Variants in ITIH5 observed in about 807,000 individuals in gnomAD.
ITIH5 encodes the protein inter-alpha-trypsin inhibitor heavy chain 5, also known as inter-alpha-trypsin inhibitor heavy chain H5.
A neutral mutation model predicts 77.5 loss-of-function variants in ITIH5; 65 were observed. The observed-to-expected ratio is 0.84, with a 90% confidence interval of 0.69 to 1.03. The LOEUF is 1.03. Among genes scored for constraint, ITIH5 ranks in the 50% least tolerant of loss-of-function variants. The pLI is 0.00. For synonymous variants in ITIH5, 525 were observed against 494.3 expected (o/e 1.06, Z -0.82); for missense variants, 1,208 against 1,213.1 (o/e 1.00, Z 0.06).
chr10:7,629,281 G>A (rs551772328), intron 5 of ITIH5, among the ~76,000 whole-genome samples: 1 of 122,840 alleles, frequency 8.1e-6, no homozygotes, highest in East Asian at 2.7e-4. Context: ...GTTGTAGCGT[G>A]TGTCCCTGTT....
Position 7,559,862 on chromosome 10 carries a change from G to GTTT in ITIH5, c.*3218_*3220dup. On this transcript the variant is annotated 3_prime_UTR_variant, in exon 14 of 14. Coordinates refer to ENST00000397146, the MANE Select transcript of ITIH5 (RefSeq NM_030569.7). ...CCATGTCTTTTTTTTGTTTTGTTTT[G>GTTT]TTTTTTTTTGACGGAGTTTGGCTCT... 2.5e-6 allele frequency: 1 copy of GTTT among 406,472 alleles called. No homozygotes were observed. Among genetic ancestry groups the GTTT allele is most frequent in the African/African-American group, 2.8e-5 (1 of 35,126 alleles). 25.2% of individuals were successfully genotyped at this position (406,472 alleles called of 1,614,324 possible). A position where few individuals can be genotyped will look rare whatever the true frequency, so the allele number is the denominator to read the frequency against.
rs756527934 is a variant in ITIH5 at position 7,580,008 on chromosome 10, C to G, written c.1165G>C (p.Ala389Pro). The change falls in exon 9 of 14, where the codon GCC becomes CCC. Residue 389 changes from alanine (A) to proline (P), a missense_variant. Transcript: ENST00000397146. ...RAIRLLNKYVAHSGIGDRSVS... is the reference protein window; with the variant it reads ...RAIRLLNKYVPHSGIGDRSVS... The stretch of plus-strand genomic sequence containing the variant: ...CTCCGGTCTCCAATGCCACTGTGGG[C>G]CACGTACTTGTTGAGGAGCCTGATG... The G allele has an allele frequency of 4.3e-6, 7 of 1,613,728 alleles. No homozygotes were observed. Among genetic ancestry groups the G allele is most frequent in the Non-Finnish European group, 5.9e-6 (7 of 1,179,936 alleles).
At chr10:7,572,865 C>A in intron 11 of ITIH5, 1 of 242,454 alleles carries the variant, frequency 4.1e-6, no homozygotes, top group Non-Finnish European at 7.9e-6. Context: ...GTAACCTCAA[C>A]TTCCCAGGTT....
chr10:7,650,960 C>A (rs1216810384), intron 2 of ITIH5, among the ~76,000 whole-genome samples: 1 of 151,846 alleles, frequency 6.6e-6, no homozygotes, highest in Non-Finnish European at 1.5e-5. Context: ...TATTTTTATA[C>A]AAGAAAACCC....
intron 10 of ITIH5, 65 bp downstream of exon 10, chr10:7,576,388 T>C: frequency 7.5e-7 from 1 of 1,339,184 alleles, no homozygotes; most frequent in Non-Finnish European, 9.9e-7. Flanking sequence ...GGGCTTCCTG[T>C]GGAGGAGGTG....
At chr10:7,649,538 G>GTAGA (rs61399589) in intron 2 of ITIH5, among the ~76,000 whole-genome samples, 136 of 152,104 alleles carry the variant, frequency 8.9e-4, no homozygotes, top group African/African-American at 2.3e-3. Context: ...AGATAGGTAG[G>GTAGA]TAGATAGATA....
intron 7 of ITIH5, among the ~76,000 whole-genome samples, chr10:7,604,087 T>A (rs560900104): frequency 2.0e-5 from 3 of 152,202 alleles, no homozygotes; most frequent in African/African-American, 4.8e-5. Context: ...AAGCCCTTGA[T>A]GGGTAGATTA....
intron 5 of ITIH5, among the ~76,000 whole-genome samples, chr10:7,626,330 T>C (rs973207774): frequency 6.6e-6 from 1 of 152,206 alleles, no homozygotes; most frequent in Admixed American, 6.5e-5. Context: ...GCCACGCTCT[T>C]GGGTTGACCG....
chr10:7,616,962 G>C, intron 6 of ITIH5, 151 bp downstream of exon 6: 1 of 489,448 alleles, frequency 2.0e-6, no homozygotes, highest in Non-Finnish European at 3.5e-6. Flanking sequence ...AAAAAATACC[G>C]CTAGTCTCTT....
chr10:7,621,814 C>T (rs1833478311), intron 5 of ITIH5: 1 of 152,024 alleles, frequency 6.6e-6, no homozygotes, highest in Non-Finnish European at 1.5e-5. Context: ...CCCTGCTTAC[C>T]GCCACAGATA....
At chr10:7,582,858 G>A (rs1199650729) in intron 8 of ITIH5, among the ~76,000 whole-genome samples, 1 of 152,196 alleles carries the variant, frequency 6.6e-6, no homozygotes, top group South Asian at 2.1e-4. Flanking sequence ...GTGGGGGGTG[G>A]GGCAGAAGTA....
intron 1 of ITIH5, among the ~76,000 whole-genome samples, chr10:7,657,098 G>T (rs1834200125): frequency 7.0e-6 from 1 of 143,144 alleles, no homozygotes; most frequent in Non-Finnish European, 1.5e-5. Context: ...AGGCTGGAGT[G>T]CAGTGACGCC....
chr10:7,570,591 TTCTC>T (rs761759028), intron 11 of ITIH5, among the ~76,000 whole-genome samples: 9 of 152,336 alleles, frequency 5.9e-5, no homozygotes, highest in Non-Finnish European at 1.2e-4. Context: ...GAGATTTACC[TTCTC>T]TCTAATTTAT....
In ITIH5 at chr10:7,559,847, TTTTTG is replaced by T. The variant is rs201992976; in HGVS notation, c.*3231_*3235del. On this transcript the variant is annotated 3_prime_UTR_variant, in exon 14 of 14. Coordinates refer to ENST00000397146, the MANE Select transcript of ITIH5 (RefSeq NM_030569.7). Reference sequence around the variant, plus strand: ...AAAACACCATCTCTCCCATGTCTTTTTTTTGTTTTGTTTTGTTTTTTTTTGACGGA... The same window carrying T: ...AAAACACCATCTCTCCCATGTCTTTTTTTTGTTTTGTTTTTTTTTGACGGA... 0.081 allele frequency: 35,763 copies of T among 443,520 alleles called. 1,589 individuals are homozygous for T. Among genetic ancestry groups the T allele is most frequent in the Admixed American group, 0.098 (4,079 of 41,532 alleles). The allele number at this position is 443,520 out of a possible 1,614,324, so 27.5% of individuals were successfully genotyped here. A position where few individuals can be genotyped will look rare whatever the true frequency, so the allele number is the denominator to read the frequency against.
chr10:7,637,196 A>G, intron 5 of ITIH5, 32 bp downstream of exon 5: 2 of 1,588,164 alleles, frequency 1.3e-6, no homozygotes. Flanking sequence ...TTTTCACCAC[A>G]GATCTGCACG....
chr10:7,574,733 C>T (rs1293024496), intron 10 of ITIH5, among the ~76,000 whole-genome samples: 1 of 141,958 alleles, frequency 7.0e-6, no homozygotes, highest in Non-Finnish European at 1.5e-5. Context: ...GCAGAGCTTG[C>T]AGTGAGCCGA....
Position 7,585,992 on chromosome 10 carries a change from C to A in ITIH5, c.1017G>T (p.Arg339=), listed in dbSNP as rs1488750611. ...TCAAGTGGTCCTTCCATACTTTGAT[C>A]CGGTTGGAAAATCCAATGATACTGA... is the stretch of plus-strand genomic sequence containing the variant. ...DRFSIIGFSN[R]IKVWKDHLIS... is the part of the protein sequence containing the mutation. Residue 339 remains arginine (R), a synonymous_variant, in exon 8 of 14, where the codon CGG becomes CGT. Coordinates refer to ENST00000397146, the MANE Select transcript of ITIH5 (RefSeq NM_030569.7). The A allele has an allele frequency of 6.2e-6, 10 of 1,614,040 alleles. No individual in the cohort carries two copies. Among genetic ancestry groups the A allele is most frequent in the Non-Finnish European group, 8.5e-6 (10 of 1,179,996 alleles).
At chr10:7,658,435 C>T (rs1199260446) in intron 1 of ITIH5, among the ~76,000 whole-genome samples, 2 of 152,110 alleles carry the variant, frequency 1.3e-5, no homozygotes, top group Non-Finnish European at 2.9e-5. Context: ...CAAGTAAGAA[C>T]CTATTGATGA....
rs1433490657 is a variant in ITIH5, at chr10:7,644,761, CAT to C, written c.136-2673_136-2672del. Among the ~76,000 whole-genome samples, 5 of 133,402 alleles carry C rather than the reference CAT, an allele frequency of 3.7e-5. 1 individual carries two copies. The highest frequency in any genetic ancestry group is 6.1e-5 in the Non-Finnish European group (4 of 65,192). The allele number at this position is 133,402 out of a possible 152,430, so 87.5% of individuals were successfully genotyped here. On this transcript the variant is annotated intron_variant, in intron 2 of 13. Coordinates refer to ENST00000397146, the MANE Select transcript of ITIH5 (RefSeq NM_030569.7). The stretch of plus-strand genomic sequence containing the variant: ...TATCACATATATATCACATATATCA[CAT>C]ATATATCATATATATCACATATATA...
Sources: gnomAD v4.1 joint callset for allele counts (sites outside exome capture counted in the v4.1 genomes callset) on GRCh38, gnomAD v4.1.1 for gene constraint, MANE v1.5 for transcripts, NCBI Gene and HGNC (gene_info 2026-07-23, HGNC 2026-07-21) for gene names.